WTIP: variants seen among roughly 807,000 people sequenced by gnomAD.
WTIP encodes the protein Wilms tumor protein 1-interacting protein.
WTIP carries 23 observed loss-of-function variants against 41.7 expected under a neutral mutation model. The observed-to-expected ratio is 0.55, with a 90% CI of 0.40 to 0.78. The LOEUF (loss-of-function observed/expected upper bound fraction) is 0.78. Ranked by LOEUF, WTIP falls within the 30% of genes least tolerant of loss-of-function variation. The pLI, the probability that WTIP is intolerant of heterozygous loss-of-function variation, is 0.00. For missense variants in WTIP, 619 were observed against 610.5 expected (o/e 1.01, Z -0.15); for synonymous variants, 314 against 269.9 (o/e 1.16, Z -1.60).
In WTIP at chr19:34,503,590, T is replaced by C. The variant is rs2075898422; in HGVS notation, c.*3321T>C. 1 of 152,960 alleles carries C rather than the reference T, an allele frequency of 6.5e-6. No individual in the cohort carries two copies. Among genetic ancestry groups the C allele is most frequent in the Non-Finnish European group, 1.5e-5 (1 of 68,698 alleles). The allele number at this position is 152,960 out of a possible 1,614,324, so 9.5% of individuals were successfully genotyped here. A position where few individuals can be genotyped will look rare whatever the true frequency, so the allele number is the denominator to read the frequency against. On this transcript the variant is annotated 3_prime_UTR_variant, in exon 8 of 8. Coordinates refer to ENST00000590071, the MANE Select transcript of WTIP (RefSeq NM_001080436.2). The stretch of plus-strand genomic sequence containing the variant: ...CCCAAGGGGACCCCCACTGATGTGG[T>C]CTCTGCTGACACCTGTGCCTGTGCC...
At chr19:34,491,132 A>G (rs2075823252) in intron 2 of WTIP, among the ~76,000 whole-genome samples, 1 of 151,614 alleles carries the variant, frequency 6.6e-6, no homozygotes, top group African/African-American at 2.4e-5. Flanking sequence ...CTGGCCTACA[A>G]TTTATTTTTG....
intron 2 of WTIP, among the ~76,000 whole-genome samples, chr19:34,491,234 C>A (rs1027523955): frequency 1.3e-5 from 2 of 152,246 alleles, no homozygotes; most frequent in South Asian, 4.1e-4. Flanking sequence ...ATCCAACCAC[C>A]CTAATAAATA....
intron 2 of WTIP, 36 bp downstream of exon 2, chr19:34,490,513 G>T: frequency 6.3e-7 from 1 of 1,590,858 alleles, no homozygotes; most frequent in South Asian, 1.1e-5. Context: ...CTCTGTGAAG[G>T]GGACCTGCCA....
chr19:34,496,377 C>T (rs2075853700), intron 7 of WTIP, among the ~76,000 whole-genome samples: 1 of 152,134 alleles, frequency 6.6e-6, no homozygotes, highest in Non-Finnish European at 1.5e-5. Flanking sequence ...CATCATGTTA[C>T]CCAGGCTGGT....
intron 7 of WTIP, among the ~76,000 whole-genome samples, 179 bp downstream of exon 7, chr19:34,495,950 A>G (rs1414665341): frequency 6.6e-6 from 1 of 152,110 alleles, no homozygotes; most frequent in Non-Finnish European, 1.5e-5. Context: ...TGAGGTCAGG[A>G]GTTCGAGACC....
At chr19:34,495,378 C>G (rs2075847431) in intron 6 of WTIP, among the ~76,000 whole-genome samples, 1 of 151,720 alleles carries the variant, frequency 6.6e-6, no homozygotes, top group Non-Finnish European at 1.5e-5. Flanking sequence ...GCATGGGCAA[C>G]AGAGAGAGAC....
chr19:34,484,549 C>T (rs1038009284), intron 1 of WTIP, among the ~76,000 whole-genome samples: 17 of 152,204 alleles, frequency 1.1e-4, no homozygotes, highest in African/African-American at 4.1e-4. Context: ...AGGCAGGTGC[C>T]AGGAAGAGAG....
At chr19:34,489,654 A>G (rs927196049) in intron 1 of WTIP, among the ~76,000 whole-genome samples, 2 of 152,212 alleles carry the variant, frequency 1.3e-5, no homozygotes, top group African/African-American at 4.8e-5. Flanking sequence ...TAAAGATACC[A>G]TGATAGGCTG....
chr19:34,500,080 T>G (rs2075876336), intron 7 of WTIP, 49 bp from the exon 8 acceptor site: 1 of 1,586,372 alleles, frequency 6.3e-7, no homozygotes, highest in Non-Finnish European at 8.5e-7. Flanking sequence ...TGACCTCTGA[T>G]GTGCGCTTGT....
At chr19:34,486,666 G>C (rs1300272435) in intron 1 of WTIP, among the ~76,000 whole-genome samples, 2 of 151,392 alleles carry the variant, frequency 1.3e-5, no homozygotes, top group South Asian at 4.2e-4. Flanking sequence ...GCGCCTGGCC[G>C]CCTTTGTCAG....
intron 5 of WTIP, among the ~76,000 whole-genome samples, chr19:34,494,062 C>T (rs1016529972): frequency 4.6e-5 from 7 of 152,170 alleles, no homozygotes; most frequent in Admixed American, 4.6e-4. Flanking sequence ...TGGTTCTGAG[C>T]AGGGCCTTCC....
At position 34,482,438 on chromosome 19, in the gene WTIP, C is replaced by T. The variant is rs1046546469; in HGVS notation, c.464C>T (p.Ala155Val). ...CTCGGCTCCCGGGGCTCGGCCGGCG[C>T]CTACGCTGACTTCCTCCCGCCCGGC... ...SSLGSRGSAGAYADFLPPGAC... is the reference protein window; with the variant it reads ...SSLGSRGSAGVYADFLPPGAC... The change falls in exon 1 of 8, where the codon GCC becomes GTC. Residue 155 changes from alanine (A) to valine (V), a missense_variant. Ala to Val is a moderately conservative substitution (Grantham distance 64). Around this residue, in one of 3 missense-constraint regions of WTIP, gnomAD observed 363 missense variants for 309.0 expected, o/e 1.17. Coordinates refer to ENST00000590071, the MANE Select transcript of WTIP (RefSeq NM_001080436.2). The T allele has an allele frequency of 1.5e-6, 2 of 1,323,678 alleles. No individual in the cohort carries two copies. The highest frequency in any genetic ancestry group is 3.1e-5 in the African/African-American group (2 of 64,264). 82.0% of individuals were successfully genotyped at this position (1,323,678 alleles called of 1,614,324 possible).
At chr19:34,495,662 C>G (rs747291242) in intron 6 of WTIP, 41 bp from the exon 7 acceptor site, 2 of 1,610,848 alleles carry the variant, frequency 1.2e-6, no homozygotes, top group Non-Finnish European at 1.7e-6. Flanking sequence ...GCCTCCAGTC[C>G]CCACATGCTC....
At chr19:34,491,987 C>T (rs945289984) in intron 2 of WTIP, among the ~76,000 whole-genome samples, 3 of 152,016 alleles carry the variant, frequency 2.0e-5, no homozygotes, top group Non-Finnish European at 4.4e-5. Flanking sequence ...TCCCCCATCA[C>T]ATTTGCCCAA....
At position 34,493,561 on chromosome 19, in the gene WTIP, G is replaced by C; in HGVS notation, c.970G>C (p.Asp324His). 4 of 1,613,678 alleles carry C rather than the reference G, an allele frequency of 2.5e-6. No homozygotes were observed. Among genetic ancestry groups the C allele is most frequent in the Non-Finnish European group, 3.4e-6 (4 of 1,179,882 alleles). The change falls in exon 5 of 8, where the codon GAC (aspartate) becomes CAC (histidine). Residue 324 changes from aspartate to histidine, a missense_variant. Asp to His is a moderately conservative substitution (Grantham distance 81). Coordinates refer to ENST00000590071, the MANE Select transcript of WTIP (RefSeq NM_001080436.2). This position sits in a 1 kb window ranked among gnomAD's most constrained non-coding sequence, Gnocchi z 4.1. ...FRCSVCNECL[D>H]GVPFTVDVEN... is the part of the protein sequence containing the mutation. ...GTGCTCCGTGTGCAATGAGTGCCTGGACGGGGTTCCCTTCACCGTGGACGT... is the reference window on the plus strand; with the variant it reads ...GTGCTCCGTGTGCAATGAGTGCCTGCACGGGGTTCCCTTCACCGTGGACGT...
Position 34,510,438 on chromosome 19 carries a change from G to C in WTIP, c.*10169G>C, listed in dbSNP as rs2075928795. The stretch of plus-strand genomic sequence containing the variant: ...GACACAAGGCAGCAAGTCCTAGGCT[G>C]CACACAACATGGGGACTTTGGGTCC... On this transcript the variant is annotated 3_prime_UTR_variant, in exon 8 of 8. Transcript: ENST00000590071. 1 of 152,278 alleles carries C rather than the reference G, an allele frequency of 6.6e-6. No homozygotes were observed. Among genetic ancestry groups the C allele is most frequent in the Admixed American group, 6.5e-5 (1 of 15,278 alleles). The allele number at this position is 152,278 out of a possible 1,614,324, so 9.4% of individuals were successfully genotyped here.
rs897129397 is a variant in WTIP at position 34,493,202 on chromosome 19, C to A, written c.838-61C>A. On this transcript the variant is annotated intron_variant, in intron 3 of 7. Coordinates refer to ENST00000590071, the MANE Select transcript of WTIP (RefSeq NM_001080436.2). The surrounding 1 kb of genome is among the most constrained non-coding windows in gnomAD (Gnocchi z 4.1). ...GAGACCTGAGGCCAGGAGGCAGGTG[C>A]TAGCTGGGCCGCGAGTGCCCCTTTG... is the stretch of plus-strand genomic sequence containing the variant. 1.2e-6 allele frequency: 2 copies of A among 1,612,478 alleles called. No homozygotes were observed. Among genetic ancestry groups the A allele is most frequent in the African/African-American group, 2.7e-5 (2 of 74,888 alleles).
In WTIP at chr19:34,501,264, AGAACCTTGT is replaced by A. The variant is rs1277641338; in HGVS notation, c.*997_*1005del. 6.6e-6 allele frequency: 1 copy of A among 152,606 alleles called. No homozygotes were observed. Among genetic ancestry groups the A allele is most frequent in the Non-Finnish European group, 1.5e-5 (1 of 68,042 alleles). The allele number at this position is 152,606 out of a possible 1,614,324, so 9.5% of individuals were successfully genotyped here. A position where few individuals can be genotyped will look rare whatever the true frequency, so the allele number is the denominator to read the frequency against. On this transcript the variant is annotated 3_prime_UTR_variant, in exon 8 of 8. Transcript: ENST00000590071. Reference sequence around the variant, plus strand: ...TTACGGAGCTGGTTTTCAGGTGGTAAGAACCTTGTGGTTTCAGGACTTTTGTCCTGAAAT... The same window carrying A: ...TTACGGAGCTGGTTTTCAGGTGGTAAGGTTTCAGGACTTTTGTCCTGAAAT...
rs918718718 is a variant in WTIP at position 34,493,802 on chromosome 19, G to T, written c.1031+180G>T. Among the ~76,000 whole-genome samples, 3 of 152,014 alleles carry T rather than the reference G, an allele frequency of 2.0e-5. No homozygotes were observed. Among genetic ancestry groups the T allele is most frequent in the African/African-American group, 7.3e-5 (3 of 41,372 alleles). ...TCTGCCTGCATCCCCTCTCCTGGTG[G>T]TCCGGCCACCAGCTGTCTTTTGCCT... is the stretch of plus-strand genomic sequence containing the variant. On this transcript the variant is annotated intron_variant, in intron 5 of 7. Transcript: ENST00000590071. This position sits in a 1 kb window ranked among gnomAD's most constrained non-coding sequence, Gnocchi z 4.1.
Sources: allele counts gnomAD v4.1 joint callset (sites outside exome capture counted in the v4.1 genomes callset), GRCh38; gene constraint gnomAD v4.1.1; regional missense constraint gnomAD v4.1.1; non-coding constraint Gnocchi (gnomAD v3.1); transcripts MANE v1.5; gene names NCBI Gene and HGNC (gene_info 2026-07-23, HGNC 2026-07-21).